GABRB1: variants seen among roughly 807,000 people sequenced by gnomAD.
GABRB1 encodes gamma-aminobutyric acid receptor subunit beta-1.
In GABRB1, 17 loss-of-function variants were observed where a neutral mutation model predicts 51.6. The observed-to-expected ratio is 0.33, with a 90% confidence interval of 0.23 to 0.49. GABRB1 has a LOEUF of 0.49. Ranked by LOEUF, GABRB1 falls within the 20% of genes least tolerant of loss-of-function variation. GABRB1 has a pLI of 0.99. For missense variants in GABRB1, 410 were observed against 600.6 expected (o/e 0.68, Z 3.32); for synonymous variants, 247 against 218.9 (o/e 1.13, Z -1.14).
intron 5 of GABRB1, 32 bp downstream of exon 5, chr4:47,320,241 G>A (rs923950673): frequency 4.4e-6 from 6 of 1,364,302 alleles, no homozygotes; most frequent in Non-Finnish European, 6.3e-6. Flanking sequence ...ATGAAAAAGA[G>A]GGATTCTTCC....
intron 7 of GABRB1, 121 bp downstream of exon 7, chr4:47,403,832 G>T: frequency 1.2e-6 from 1 of 865,080 alleles, no homozygotes; most frequent in South Asian, 1.8e-5. Context: ...CATCTTACAA[G>T]TCCCTGAATA....
chr4:47,233,455 T>C (rs1487715498), intron 4 of GABRB1, among the ~76,000 whole-genome samples: 1 of 152,192 alleles, frequency 6.6e-6, no homozygotes, highest in Non-Finnish European at 1.5e-5. Context: ...ATTATTAATA[T>C]TGAACTTTTA....
intron 3 of GABRB1, among the ~76,000 whole-genome samples, chr4:47,077,377 T>G (rs2109558023): frequency 6.6e-6 from 1 of 152,318 alleles, no homozygotes; most frequent in Admixed American, 6.5e-5. Flanking sequence ...AAATAGTCAT[T>G]AAGCCACCTA....
At chr4:47,393,379 T>G (rs983820247) in intron 5 of GABRB1, among the ~76,000 whole-genome samples, 1 of 152,172 alleles carries the variant, frequency 6.6e-6, no homozygotes, top group Non-Finnish European at 1.5e-5. Context: ...GGTTCTGTGC[T>G]TTTTTCGAGG....
chr4:47,171,184 C>A (rs1408980159), intron 4 of GABRB1, among the ~76,000 whole-genome samples: 1 of 150,628 alleles, frequency 6.6e-6, no homozygotes, highest in African/African-American at 2.4e-5. Flanking sequence ...TAAATACAAA[C>A]AGTAACCAAA....
intron 4 of GABRB1, among the ~76,000 whole-genome samples, chr4:47,270,912 G>A (rs559054647): frequency 6.6e-6 from 1 of 152,282 alleles, no homozygotes; most frequent in Admixed American, 6.5e-5. Context: ...ACTGTATTTA[G>A]TCTCAGCAGG....
intron 1 of GABRB1, among the ~76,000 whole-genome samples, chr4:46,999,657 A>C (rs1361293572): frequency 6.6e-6 from 1 of 152,246 alleles, no homozygotes; most frequent in Admixed American, 6.5e-5. Flanking sequence ...TGAAGAGACC[A>C]GTGACTGACA....
At chr4:47,132,208 C>G (rs1335777978) in intron 3 of GABRB1, among the ~76,000 whole-genome samples, 2 of 151,862 alleles carry the variant, frequency 1.3e-5, no homozygotes, top group Non-Finnish European at 2.9e-5. Context: ...TTTTCATTTT[C>G]TTGTTGAAAA....
At chr4:47,321,342 G>A (rs1284320789) in intron 5 of GABRB1, among the ~76,000 whole-genome samples, 1 of 152,120 alleles carries the variant, frequency 6.6e-6, no homozygotes, top group East Asian at 1.9e-4. Context: ...TAACTTTCTA[G>A]TTCCACTGTA....
chr4:47,357,140 A>C lies in GABRB1; in HGVS notation c.544+36931A>C, dbSNP rs1201652190. On this transcript the variant is annotated intron_variant, in intron 5 of 8. Coordinates refer to ENST00000295454, the MANE Select transcript of GABRB1 (RefSeq NM_000812.4). ...GATGTTTTCCCTAGCAGTCATAATT[A>C]AATATTTTCATAGGCAGTAAAATAA... is the stretch of plus-strand genomic sequence containing the variant. 2.0e-5 allele frequency among the ~76,000 whole-genome samples: 3 copies of C among 152,232 alleles called. No individual in the cohort carries two copies. The South Asian group carries it at 6.2e-4, about 32-fold the overall frequency.
chr4:47,417,736 C>T (rs1560377478), intron 8 of GABRB1, among the ~76,000 whole-genome samples: 1 of 152,174 alleles, frequency 6.6e-6, no homozygotes, highest in Non-Finnish European at 1.5e-5. Context: ...CAGAACCACT[C>T]AGTAAATATG....
chr4:47,023,550 G>A (rs927118869), intron 1 of GABRB1, among the ~76,000 whole-genome samples: 7 of 151,554 alleles, frequency 4.6e-5, no homozygotes, highest in African/African-American at 1.7e-4. Flanking sequence ...TATATCTTTT[G>A]GTTTAAAAAT....
chr4:47,238,970 T>C (rs1721427035), intron 4 of GABRB1, among the ~76,000 whole-genome samples: 1 of 152,214 alleles, frequency 6.6e-6, no homozygotes, highest in African/African-American at 2.4e-5. Flanking sequence ...ACATTCATGG[T>C]CAATGACTAA....
chr4:47,365,863 T>C (rs567970351), intron 5 of GABRB1, among the ~76,000 whole-genome samples: 71 of 152,264 alleles, frequency 4.7e-4, no homozygotes, highest in African/African-American at 1.7e-3. Flanking sequence ...CCAGAGGTGG[T>C]GGTGACTGGC....
intron 4 of GABRB1, among the ~76,000 whole-genome samples, chr4:47,302,670 G>A (rs1724304980): frequency 6.6e-6 from 1 of 151,950 alleles, no homozygotes; most frequent in East Asian, 1.9e-4. Flanking sequence ...ACAAGATCTT[G>A]AATGTACTCA....
chr4:47,098,156 ACAC>A (rs1577906308), intron 3 of GABRB1, among the ~76,000 whole-genome samples: 1 of 42,610 alleles, frequency 2.3e-5, no homozygotes, highest in East Asian at 2.8e-4. Flanking sequence ...GTACAAACAC[ACAC>A]ACACACACAC....
chr4:47,057,276 T>C (rs1417685076), intron 3 of GABRB1, among the ~76,000 whole-genome samples: 1 of 152,234 alleles, frequency 6.6e-6, no homozygotes, highest in Non-Finnish European at 1.5e-5. Flanking sequence ...AAGGACATGG[T>C]ACCTTTAATA....
At chr4:47,014,316 A>T (rs548093730) in intron 1 of GABRB1, among the ~76,000 whole-genome samples, 105 of 152,292 alleles carry the variant, frequency 6.9e-4, no homozygotes, top group Non-Finnish European at 1.1e-3. Context: ...GCAGCTAGCT[A>T]TTCTTTGCCC....
At chr4:47,330,105 T>C (rs1725422340) in intron 5 of GABRB1, among the ~76,000 whole-genome samples, 1 of 152,170 alleles carries the variant, frequency 6.6e-6, no homozygotes, top group Non-Finnish European at 1.5e-5. Context: ...AAACCTGATG[T>C]GTCAGTTTCA....
Sources: allele counts gnomAD v4.1 joint callset (sites outside exome capture counted in the v4.1 genomes callset), GRCh38; gene constraint gnomAD v4.1.1; transcripts MANE v1.5; gene names NCBI Gene and HGNC (gene_info 2026-07-23, HGNC 2026-07-21).